DDX21: variants seen among roughly 807,000 people sequenced by gnomAD.
DDX21 encodes nucleolar RNA helicase 2.
Under a neutral mutation model 90.0 loss-of-function variants are expected in DDX21, and 18 were observed. That is an observed-to-expected ratio of 0.20 (90% confidence interval 0.14 to 0.30). The LOEUF is 0.30. Ranked by LOEUF, DDX21 falls within the 10% of genes least tolerant of loss-of-function variation. The probability of loss-of-function intolerance (pLI) is 1.00; values close to 1 mark genes in which losing one functional copy is unlikely to be tolerated. For synonymous variants in DDX21, 294 were observed against 318.0 expected (o/e 0.92, Z 0.80); for missense variants, 673 against 944.5 (o/e 0.71, Z 3.77).
Position 68,969,106 on chromosome 10 carries a change from G to A in DDX21, c.1221G>A (p.Thr407=), listed in dbSNP as rs142553005. 65 of 1,610,234 alleles carry A rather than the reference G, an allele frequency of 4.0e-5. No homozygotes were observed. Among genetic ancestry groups the A allele is most frequent in the East Asian group, 2.2e-5 (1 of 44,722 alleles). The change falls in exon 7 of 15, where the codon ACG becomes ACA. Residue 407 remains threonine (T), a synonymous_variant. Coordinates refer to ENST00000354185, the MANE Select transcript of DDX21 (RefSeq NM_004728.4). The part of the protein sequence containing the change: ...VDLIGKKTQK[T]AITVEHLAIK... ...TGATTGGTAAAAAGACTCAGAAAACGGCAATAACTGTGGAGGTAAATTATT... is the reference window on the plus strand; with the variant it reads ...TGATTGGTAAAAAGACTCAGAAAACAGCAATAACTGTGGAGGTAAATTATT...
chr10:68,970,476 A>T, intron 8 of DDX21, 126 bp downstream of exon 8: 3 of 869,996 alleles, frequency 3.4e-6, no homozygotes, highest in Non-Finnish European at 4.9e-6. Flanking sequence ...TAGAAATGAG[A>T]GGAAGCTACT....
At position 68,972,019 on chromosome 10, in the gene DDX21, G is replaced by A; in HGVS notation, c.1515G>A (p.Glu505=). The change falls in exon 9 of 15, where the codon GAG becomes GAA. Residue 505 remains glutamate, a synonymous_variant. Coordinates refer to ENST00000354185, the MANE Select transcript of DDX21 (RefSeq NM_004728.4). ...CTGCACGTGGGTTAGACATCCCTGA[G>A]GTTGATTTGGTTATACAAAGCTCTC... ...NVAARGLDIP[E]VDLVIQSSPP... is the part of the protein sequence containing the mutation. The A allele has an allele frequency of 1.9e-6, 3 of 1,614,104 alleles. No homozygotes were observed. The highest frequency in any genetic ancestry group is 2.5e-6 in the Non-Finnish European group (3 of 1,179,992).
Position 68,970,207 on chromosome 10 carries a change from G to T in DDX21, c.1243G>T (p.Ala415Ser). Residue 415 changes from alanine (A) to serine (S), a missense_variant, in exon 8 of 15, where the codon GCT becomes TCT. This residue lies in a region of DDX21 where 218 missense variants were observed against 347.3 expected (regional missense o/e 0.63). Coordinates refer to ENST00000354185, the MANE Select transcript of DDX21 (RefSeq NM_004728.4). ...TTTTTTCTTCTTACATAAGCATCTG[G>T]CTATTAAGTGCCACTGGACTCAGAG... is the stretch of plus-strand genomic sequence containing the variant. ...QKTAITVEHL[A>S]IKCHWTQRAA... The T allele has an allele frequency of 6.2e-7, 1 of 1,601,700 alleles. No homozygotes were observed. Among genetic ancestry groups the T allele is most frequent in the Non-Finnish European group, 8.5e-7 (1 of 1,176,214 alleles).
At chr10:68,979,663 TA>T (rs1843158301) in intron 13 of DDX21, among the ~76,000 whole-genome samples, 1 of 152,192 alleles carries the variant, frequency 6.6e-6, no homozygotes, top group Non-Finnish European at 1.5e-5. Flanking sequence ...GCGAAGCCCC[TA>T]AAAGATCTCA....
Position 68,974,688 on chromosome 10 carries a change from A to G in DDX21, c.1687A>G (p.Ile563Val). The change falls in exon 11 of 15, where the codon ATA becomes GTA. Residue 563 changes from isoleucine to valine, a missense_variant. Transcript: ENST00000354185. ...CCTGTAGGGAATTAAGTTCAAACGA[A>G]TAGGTGTTCCTTCTGCAACAGAAAT... is the stretch of plus-strand genomic sequence containing the variant. ...EQKAGIKFKR[I>V]GVPSATEIIK... 1.2e-6 allele frequency: 2 copies of G among 1,614,088 alleles called. No homozygotes were observed. The highest frequency in any genetic ancestry group is 1.7e-6 in the Non-Finnish European group (2 of 1,179,974).
At chr10:68,979,179 A>G (rs1292383456) in intron 13 of DDX21, among the ~76,000 whole-genome samples, 1 of 152,196 alleles carries the variant, frequency 6.6e-6, no homozygotes, top group African/African-American at 2.4e-5. Flanking sequence ...CCGTTCTCAC[A>G]ATGCCAGACT....
At chr10:68,958,313 A>G (rs1842828030) in intron 1 of DDX21, among the ~76,000 whole-genome samples, 1 of 151,964 alleles carries the variant, frequency 6.6e-6, no homozygotes. Context: ...CTGTCACCCA[A>G]GCTAGAGTGC....
At chr10:68,980,541 AG>A (rs1179416246) in intron 13 of DDX21, among the ~76,000 whole-genome samples, 1 of 152,180 alleles carries the variant, frequency 6.6e-6, no homozygotes, top group Non-Finnish European at 1.5e-5. Context: ...ATCCACCAGT[AG>A]GTGATGATAC....
chr10:68,977,391 T>G (rs1237204144), intron 11 of DDX21, 138 bp from the exon 12 acceptor site: 1 of 711,508 alleles, frequency 1.4e-6, no homozygotes, highest in African/African-American at 1.8e-5. Context: ...AGAAATATGA[T>G]TATTATATAC....
At chr10:68,980,398 G>C (rs1843169015) in intron 13 of DDX21, among the ~76,000 whole-genome samples, 1 of 152,174 alleles carries the variant, frequency 6.6e-6, no homozygotes, top group African/African-American at 2.4e-5. Flanking sequence ...TTACCTTGCT[G>C]TGTTTGCTAA....
chr10:68,978,726 A>G (rs1589289347), intron 12 of DDX21, 116 bp from the exon 13 acceptor site: 1 of 1,332,786 alleles, frequency 7.5e-7, no homozygotes. Flanking sequence ...TTTGTGTGAG[A>G]TGTATGTTTT....
intron 13 of DDX21, among the ~76,000 whole-genome samples, chr10:68,980,344 T>C (rs184205671): frequency 6.6e-6 from 1 of 152,326 alleles, no homozygotes; most frequent in East Asian, 1.9e-4. Flanking sequence ...CGTCTTTATC[T>C]GTACTTCAGA....
chr10:68,963,224 C>T, intron 3 of DDX21, 67 bp from the exon 4 acceptor site: 1 of 1,469,526 alleles, frequency 6.8e-7, no homozygotes, highest in Non-Finnish European at 9.2e-7. Context: ...TAGTATACTT[C>T]AGTATGTCAG....
At chr10:68,971,645 A>G (rs1843029525) in intron 8 of DDX21, among the ~76,000 whole-genome samples, 1 of 152,222 alleles carries the variant, frequency 6.6e-6, no homozygotes, top group Admixed American at 6.5e-5. Context: ...CACTGATAAA[A>G]TAGGTTTGAT....
intron 10 of DDX21, 42 bp from the exon 11 acceptor site, chr10:68,974,628 T>C (rs1298713512): frequency 2.0e-6 from 3 of 1,536,074 alleles, no homozygotes; most frequent in Non-Finnish European, 2.7e-6. Flanking sequence ...TGGAAACAAT[T>C]GATGGCCACT....
At chr10:68,974,624 C>A in intron 10 of DDX21, 46 bp from the exon 11 acceptor site, 1 of 1,518,502 alleles carries the variant, frequency 6.6e-7, no homozygotes, top group Non-Finnish European at 9.1e-7. Flanking sequence ...TTATTGGAAA[C>A]AATTGATGGC....
chr10:68,958,742 T>A (rs149400105), intron 1 of DDX21, among the ~76,000 whole-genome samples: 6 of 152,170 alleles, frequency 3.9e-5, no homozygotes, highest in Non-Finnish European at 7.4e-5. Flanking sequence ...CAGCCTAAAT[T>A]TTAAACTTTT....
chr10:68,981,415 A>C, intron 13 of DDX21, 122 bp from the exon 14 acceptor site: 1 of 835,924 alleles, frequency 1.2e-6, no homozygotes, highest in Non-Finnish European at 1.9e-6. Flanking sequence ...CTAAAATTAT[A>C]CCTGGTGGTT....
intron 9 of DDX21, 87 bp downstream of exon 9, chr10:68,972,139 C>A: frequency 6.9e-7 from 1 of 1,444,082 alleles, no homozygotes; most frequent in Non-Finnish European, 9.4e-7. Flanking sequence ...ACTTTCATGT[C>A]ATTAGTATAT....
Sources: allele counts gnomAD v4.1 joint callset (sites outside exome capture counted in the v4.1 genomes callset), GRCh38; gene constraint gnomAD v4.1.1; regional missense constraint gnomAD v4.1.1; transcripts MANE v1.5; gene names NCBI Gene and HGNC (gene_info 2026-07-23, HGNC 2026-07-21).